FHIT: variants seen among roughly 807,000 people sequenced by gnomAD.
FHIT encodes fragile histidine triad diadenosine triphosphatase, also known as bis(5'-adenosyl)-triphosphatase.
Under a neutral mutation model 17.9 loss-of-function variants are expected in FHIT, and 19 were observed. That is an observed-to-expected ratio of 1.06 (90% CI 0.74 to 1.56). The LOEUF is 1.56. Ranked by LOEUF, FHIT falls within the 40% of genes most tolerant of loss-of-function variation. FHIT has a pLI of 0.00. For synonymous variants in FHIT, 81 were observed against 69.7 expected (o/e 1.16, Z -0.81); for missense variants, 248 against 189.2 (o/e 1.31, Z -1.82).
At chr3:60,481,192 C>G (rs1345006759) in intron 5 of FHIT, among the ~76,000 whole-genome samples, 1 of 152,114 alleles carries the variant, frequency 6.6e-6, no homozygotes, top group East Asian at 1.9e-4. Flanking sequence ...ACTGAATCTA[C>G]AACTGATTGG....
chr3:60,438,384 A>G (rs1164052098), intron 5 of FHIT, among the ~76,000 whole-genome samples: 1 of 151,670 alleles, frequency 6.6e-6, no homozygotes, highest in African/African-American at 2.4e-5. Context: ...ACTGCTTTCC[A>G]CCTCCTTATG....
rs373054227 is a variant in FHIT, at chr3:60,696,191, T to C, written c.-18+125728A>G. Among the ~76,000 whole-genome samples the C allele has an allele frequency of 4.5e-4, 69 of 152,270 alleles. No homozygotes were observed. In the South Asian group the frequency reaches 6.2e-3, roughly 14 times the overall value. ...ATGTATGAGCCTCATATAAAATATA[T>C]CAGTACAGGTCTTACAAAACACTGA... is the stretch of plus-strand genomic sequence containing the variant. On this transcript the variant is annotated intron_variant, in intron 4 of 9. Coordinates refer to ENST00000492590, the MANE Select transcript of FHIT (RefSeq NM_002012.4).
At position 60,378,737 on chromosome 3, in the gene FHIT, T is replaced by C. The variant is rs534456572; in HGVS notation, c.103+158123A>G. Among the ~76,000 whole-genome samples the C allele has an allele frequency of 2.6e-5, 4 of 152,372 alleles. No homozygotes were observed. The East Asian group carries it at 5.8e-4, about 22-fold the overall frequency. The stretch of plus-strand genomic sequence containing the variant: ...GTCTTCTAAAAAATGAAAAATGTCT[T>C]TGAATCTTGTTAGCAATGCCTGACC... On this transcript the variant is annotated intron_variant, in intron 5 of 9. Transcript: ENST00000492590.
intron 5 of FHIT, among the ~76,000 whole-genome samples, chr3:60,207,030 G>C (rs1703226097): frequency 6.6e-6 from 1 of 152,112 alleles, no homozygotes; most frequent in Admixed American, 6.5e-5. Context: ...TGGGATGAAA[G>C]TGATCTTTAG....
At chr3:61,208,474 C>A (rs2039331996) in intron 1 of FHIT, among the ~76,000 whole-genome samples, 1 of 152,046 alleles carries the variant, frequency 6.6e-6, no homozygotes, top group Admixed American at 6.6e-5. Flanking sequence ...TCACTCAGGA[C>A]TTGCTTTATG....
At chr3:59,997,984 G>A (rs74693395) in intron 7 of FHIT, among the ~76,000 whole-genome samples, 8,032 of 152,052 alleles carry the variant, frequency 0.053, 295 homozygotes, top group Non-Finnish European at 0.08. Flanking sequence ...TTCAACACAG[G>A]GTATCAAGGG....
chr3:60,497,142 G>A lies in FHIT; in HGVS notation c.103+39718C>T, dbSNP rs368577805. Among the ~76,000 whole-genome samples, 4 of 152,008 alleles carry A rather than the reference G, an allele frequency of 2.6e-5. No homozygotes were observed. In the East Asian group the frequency reaches 5.8e-4, roughly 22 times the overall value. On this transcript the variant is annotated intron_variant, in intron 5 of 9. Transcript: ENST00000492590. Reference sequence around the variant, plus strand: ...AGGGGGCATGGTATTGTATCTGGTCGGTACAGGTAGAGTTGCTGCTAAACA... The same window carrying A: ...AGGGGGCATGGTATTGTATCTGGTCAGTACAGGTAGAGTTGCTGCTAAACA...
Position 60,190,820 on chromosome 3 carries a change from G to A in FHIT, c.104-176668C>T, listed in dbSNP as rs147467555. ...TAGCTGGGCATGGTAGTGCACACGT[G>A]TAGTCCCAGCTACTTGGGGAACTGA... On this transcript the variant is annotated intron_variant, in intron 5 of 9. Coordinates refer to ENST00000492590, the MANE Select transcript of FHIT (RefSeq NM_002012.4). Among the ~76,000 whole-genome samples, 28 of 152,186 alleles carry A rather than the reference G, an allele frequency of 1.8e-4. No homozygotes were observed. In the East Asian group the frequency reaches 5.4e-3, roughly 29 times the overall value.
At chr3:59,956,466 G>A (rs978282021) in intron 7 of FHIT, among the ~76,000 whole-genome samples, 11 of 152,172 alleles carry the variant, frequency 7.2e-5, no homozygotes, top group East Asian at 1.9e-4. Flanking sequence ...TCAAGAGATC[G>A]AGACCATCCT....
At chr3:60,141,749 T>A (rs982584878) in intron 5 of FHIT, among the ~76,000 whole-genome samples, 1 of 152,194 alleles carries the variant, frequency 6.6e-6, no homozygotes, top group African/African-American at 2.4e-5. Flanking sequence ...TTTTCCAGTT[T>A]AATTTCCACG....
chr3:60,894,882 T>C (rs1705707936), intron 3 of FHIT, among the ~76,000 whole-genome samples: 1 of 152,182 alleles, frequency 6.6e-6, no homozygotes, highest in South Asian at 2.1e-4. Context: ...AAAGTGGTTT[T>C]TGCTAAACCA....
intron 5 of FHIT, among the ~76,000 whole-genome samples, chr3:60,343,660 C>A (rs1036667311): frequency 6.6e-6 from 1 of 152,158 alleles, no homozygotes; most frequent in South Asian, 2.1e-4. Context: ...ATAGTCTAGG[C>A]TGCAATTTTA....
chr3:60,897,273 C>CT (rs1281257377), intron 3 of FHIT, among the ~76,000 whole-genome samples: 1 of 152,130 alleles, frequency 6.6e-6, no homozygotes, highest in Admixed American at 6.5e-5. Flanking sequence ...CTTAAGGACC[C>CT]TTTTTTATCA....
Position 60,254,894 on chromosome 3 carries a change from T to A in FHIT, c.104-240742A>T, listed in dbSNP as rs141648926. Among the ~76,000 whole-genome samples, 792 of 152,336 alleles carry A rather than the reference T, an allele frequency of 5.2e-3. 9 individuals carry two copies. Among genetic ancestry groups the A allele is most frequent in the African/African-American group, 0.017 (724 of 41,578 alleles). On this transcript the variant is annotated intron_variant, in intron 5 of 9. Coordinates refer to ENST00000492590, the MANE Select transcript of FHIT (RefSeq NM_002012.4). ...TGACTTTTTGTTATTCTTATGGTTG[T>A]GCTCATAAGCACATCACAAGGATGG...
intron 5 of FHIT, among the ~76,000 whole-genome samples, chr3:60,049,690 T>G (rs1384693286): frequency 6.6e-6 from 1 of 152,188 alleles, no homozygotes; most frequent in Non-Finnish European, 1.5e-5. Context: ...TCTTTAAATT[T>G]AAAAAAGTAA....
intron 3 of FHIT, among the ~76,000 whole-genome samples, chr3:60,960,086 G>A (rs1213397998): frequency 6.6e-6 from 1 of 151,738 alleles, no homozygotes; most frequent in Non-Finnish European, 1.5e-5. Context: ...CCTCATCACT[G>A]CTTTCCGAAT....
intron 2 of FHIT, among the ~76,000 whole-genome samples, chr3:61,100,213 C>G (rs2035773315): frequency 6.6e-6 from 1 of 152,056 alleles, no homozygotes; most frequent in Non-Finnish European, 1.5e-5. Context: ...CTCTCCCAGC[C>G]CCACACCCCC....
At chr3:59,982,279 G>A (rs1419838831) in intron 7 of FHIT, among the ~76,000 whole-genome samples, 1 of 152,014 alleles carries the variant, frequency 6.6e-6, no homozygotes, top group East Asian at 1.9e-4. Context: ...GAAAAAGAAG[G>A]TATGAAAATC....
intron 5 of FHIT, among the ~76,000 whole-genome samples, chr3:60,281,199 C>T (rs1304928875): frequency 6.6e-6 from 1 of 151,988 alleles, no homozygotes; most frequent in Non-Finnish European, 1.5e-5. Flanking sequence ...GAAATAAAAT[C>T]TAAATAAACG....
Sources: gnomAD v4.1 joint callset for allele counts (sites outside exome capture counted in the v4.1 genomes callset) on GRCh38, gnomAD v4.1.1 for gene constraint, MANE v1.5 for transcripts, NCBI Gene and HGNC (gene_info 2026-07-23, HGNC 2026-07-21) for gene names.